The following TSHZ3 variants were observed in gnomAD, a reference collection of about 807,000 sequenced individuals.
TSHZ3 encodes teashirt homolog 3.
In TSHZ3, 10 loss-of-function variants were observed where a neutral mutation model predicts 64.5. The ratio of observed to expected loss-of-function variants is 0.16; its 90% CI spans 0.10 to 0.26. The LOEUF (loss-of-function observed/expected upper bound fraction) is 0.26. Among genes scored for constraint, TSHZ3 ranks in the 10% least tolerant of loss-of-function variants. The pLI, the probability that TSHZ3 is intolerant of heterozygous loss-of-function variation, is 1.00. For synonymous variants in TSHZ3, 608 were observed against 593.1 expected (o/e 1.03, Z -0.36); for missense variants, 1,242 against 1,421.7 (o/e 0.87, Z 2.03).
At chr19:31,247,695 T>C (rs754817923) in intron 1 of TSHZ3, among the ~76,000 whole-genome samples, 1 of 152,188 alleles carries the variant, frequency 6.6e-6, no homozygotes, top group African/African-American at 2.4e-5. Context: ...AATATTAACT[T>C]CCTGATTTTT....
chr19:31,219,657 A>G (rs1046685372), intron 4 of TSHZ3, among the ~76,000 whole-genome samples: 1 of 151,866 alleles, frequency 6.6e-6, no homozygotes, highest in Admixed American at 6.6e-5. Flanking sequence ...GAAGAAAAAC[A>G]TTGAAGAACC....
intron 5 of TSHZ3, among the ~76,000 whole-genome samples, chr19:31,156,592 C>T (rs939215224): frequency 1.3e-5 from 2 of 152,118 alleles, no homozygotes; most frequent in African/African-American, 4.8e-5. Context: ...ATGGGAGCAC[C>T]ATCTTTTTTG....
intron 5 of TSHZ3, among the ~76,000 whole-genome samples, chr19:31,167,178 A>C (rs1974466097): frequency 6.6e-6 from 1 of 152,234 alleles, no homozygotes. Flanking sequence ...GTAAACCACA[A>C]ACCTCTAAGC....
intron 1 of TSHZ3, among the ~76,000 whole-genome samples, chr19:31,289,048 G>A (rs1019582964): frequency 6.6e-6 from 1 of 152,242 alleles, no homozygotes; most frequent in Non-Finnish European, 1.5e-5. Flanking sequence ...CCAGGTGTTT[G>A]CAGGCAACCA....
intron 4 of TSHZ3, among the ~76,000 whole-genome samples, chr19:31,206,059 AATAGATGGATGGGTGAAATGG>A (rs1471769858): frequency 1.3e-5 from 2 of 151,012 alleles, no homozygotes; most frequent in Non-Finnish European, 2.9e-5. Flanking sequence ...AAGATAAATG[AATAGATGGATGGGTGAAATGG>A]ATGGATGGAT....
chr19:31,306,262 C>T (rs1242342075), intron 1 of TSHZ3, among the ~76,000 whole-genome samples: 3 of 152,162 alleles, frequency 2.0e-5, no homozygotes, highest in East Asian at 1.9e-4. Flanking sequence ...GAGCTTCCTT[C>T]GGAGCGAGGA....
rs182571311 is a variant in TSHZ3 at position 31,252,048 on chromosome 19, G to A, written n.64-9173C>T. ...ACAGGACATAGTGCTGGGGTGCTGC[G>A]TAACCTGCAGATGTTTCCAACCTTC... On this transcript the variant is annotated intron_variant and non_coding_transcript_variant, in intron 1 of 6. Coordinates refer to the TSHZ3 transcript ENST00000651361. 8.4e-4 allele frequency among the ~76,000 whole-genome samples: 128 copies of A among 152,290 alleles called. 1 individual carries two copies. The highest frequency in any genetic ancestry group is 2.9e-3 in the African/African-American group (121 of 41,558).
chr19:31,279,618 A>G lies in TSHZ3; in HGVS notation c.175T>C (p.Tyr59His), dbSNP rs1252930748. The G allele has an allele frequency of 6.2e-7, 1 of 1,612,072 alleles. No homozygotes were observed. The highest frequency in any genetic ancestry group is 1.3e-5 in the African/African-American group (1 of 74,898). The change falls in exon 2 of 2, where the codon TAC becomes CAC. Residue 59 changes from tyrosine to histidine, a missense_variant. Transcript: ENST00000240587. This position sits in a 1 kb window ranked among gnomAD's most constrained non-coding sequence, Gnocchi z 6.4. ...EKELARACPS[Y>H]QNSPAAEFSC... is the part of the protein sequence containing the mutation. Reference sequence around the variant, plus strand: ...AACTCGGCGGCCGGGGAGTTCTGGTAGCTGGGGCAGGCCCTGGCGAGCTCC... The same window carrying G: ...AACTCGGCGGCCGGGGAGTTCTGGTGGCTGGGGCAGGCCCTGGCGAGCTCC...
intron 5 of TSHZ3, among the ~76,000 whole-genome samples, chr19:31,168,863 G>A (rs1228372654): frequency 6.6e-6 from 1 of 152,162 alleles, no homozygotes; most frequent in Non-Finnish European, 1.5e-5. Context: ...AGTGTGGGGT[G>A]TATAAAAAGC....
chr19:31,176,860 C>A (rs981167600), intron 5 of TSHZ3, among the ~76,000 whole-genome samples: 1 of 151,998 alleles, frequency 6.6e-6, no homozygotes, highest in African/African-American at 2.4e-5. Context: ...CACAAACTGG[C>A]AAAATTGGAA....
At chr19:31,343,360 C>T (rs1279419609) in intron 1 of TSHZ3, among the ~76,000 whole-genome samples, 1 of 152,120 alleles carries the variant, frequency 6.6e-6, no homozygotes, top group Non-Finnish European at 1.5e-5. Context: ...TACTCGCCCC[C>T]ACCCCCCGGA....
At chr19:31,311,316 C>T (rs919525939) in intron 1 of TSHZ3, among the ~76,000 whole-genome samples, 8 of 152,206 alleles carry the variant, frequency 5.3e-5, no homozygotes, top group African/African-American at 1.4e-4. Context: ...CCCACTCACC[C>T]CCAACAAATC....
At chr19:31,306,068 G>A (rs1298944299) in intron 1 of TSHZ3, among the ~76,000 whole-genome samples, 2 of 152,318 alleles carry the variant, frequency 1.3e-5, no homozygotes, top group African/African-American at 4.8e-5. Context: ...GCGCTTTTTT[G>A]GAATGGTCAA....
At chr19:31,323,044 G>A (rs533591234) in intron 1 of TSHZ3, among the ~76,000 whole-genome samples, 1 of 152,344 alleles carries the variant, frequency 6.6e-6, no homozygotes, top group African/African-American at 2.4e-5. Context: ...GTGTGTGAAT[G>A]TGTTGGGTTG....
At chr19:31,209,147 A>C (rs1215334512) in intron 4 of TSHZ3, among the ~76,000 whole-genome samples, 2 of 152,184 alleles carry the variant, frequency 1.3e-5, no homozygotes, top group African/African-American at 4.8e-5. Flanking sequence ...TTATGACTCC[A>C]TGTAGAAAGC....
At chr19:31,174,337 G>A (rs1179826001) in intron 5 of TSHZ3, among the ~76,000 whole-genome samples, 3 of 152,202 alleles carry the variant, frequency 2.0e-5, no homozygotes, top group Middle Eastern at 3.2e-3. Context: ...TCCATCAGAA[G>A]GAGCTACCTG....
intron 1 of TSHZ3, chr19:31,308,659 C>G (rs116411005): frequency 7.5e-6 from 3 of 398,446 alleles, no homozygotes; most frequent in Non-Finnish European, 1.3e-5. Context: ...TAGGGCAGCA[C>G]GTTCTCCACC....
At chr19:31,198,758 A>T (rs1277267638) in intron 5 of TSHZ3, among the ~76,000 whole-genome samples, 1 of 152,212 alleles carries the variant, frequency 6.6e-6, no homozygotes, top group African/African-American at 2.4e-5. Flanking sequence ...GAAAACTATA[A>T]AACTATGTTA....
At chr19:31,292,725 TCCAC>T (rs1568371430) in intron 1 of TSHZ3, among the ~76,000 whole-genome samples, 1 of 113,316 alleles carries the variant, frequency 8.8e-6, no homozygotes, top group Non-Finnish European at 1.7e-5. Flanking sequence ...CCAAAACCCA[TCCAC>T]CCATCCATCC....
Sources: allele counts gnomAD v4.1 joint callset (sites outside exome capture counted in the v4.1 genomes callset), GRCh38; gene constraint gnomAD v4.1.1; non-coding constraint Gnocchi (gnomAD v3.1); transcripts MANE v1.5; gene names NCBI Gene and HGNC (gene_info 2026-07-23, HGNC 2026-07-21).